THSD7B: variants seen among roughly 807,000 people sequenced by gnomAD.
The protein encoded by THSD7B is thrombospondin type 1 domain containing 7B.
THSD7B carries 138 observed loss-of-function variants against 213.6 expected under a neutral mutation model. The ratio of observed to expected loss-of-function variants is 0.65; its 90% CI spans 0.56 to 0.74. THSD7B has a LOEUF of 0.74. Ranked by LOEUF, THSD7B falls within the 30% of genes least tolerant of loss-of-function variation. The probability of loss-of-function intolerance (pLI) is 0.00; values close to 1 mark genes in which losing one functional copy is unlikely to be tolerated. For missense variants in THSD7B, 1,931 were observed against 1,991.5 expected, an observed-to-expected ratio of 0.97 and a Z score of 0.58; for synonymous variants, 742 against 687.0, an observed-to-expected ratio of 1.08 and a Z score of -1.25.
chr2:137,325,173 G>GTTTTTGTTTTTT (rs2104884842), intron 12 of THSD7B, among the ~76,000 whole-genome samples: 1 of 151,946 alleles, frequency 6.6e-6, no homozygotes, highest in African/African-American at 2.4e-5. Context: ...TTGTTTTTTT[G>GTTTTTGTTTTTT]TTTTTGTTTT....
intron 10 of THSD7B, among the ~76,000 whole-genome samples, chr2:137,270,271 C>A (rs1399768210): frequency 6.6e-6 from 1 of 151,940 alleles, no homozygotes; most frequent in East Asian, 1.9e-4. Context: ...TCACAAAGCC[C>A]AAACAGAAGC....
In THSD7B at chr2:137,642,612, C is replaced by G; in HGVS notation, c.3924C>G (p.Asn1308Lys). The G allele has an allele frequency of 6.2e-7, 1 of 1,613,790 alleles. No individual in the cohort carries two copies. Among genetic ancestry groups the G allele is most frequent in the Non-Finnish European group, 8.5e-7 (1 of 1,179,832 alleles). The change falls in exon 21 of 28, where the codon AAC (asparagine) becomes AAG (lysine). Residue 1308 changes from asparagine (N) to lysine (K), a missense_variant. Transcript: ENST00000409968. The part of the protein sequence containing the change: ...VTPCYSWVLG[N>K]WSACKLEGGD... ...CCTGCTACAGCTGGGTCCTTGGCAA[C>G]TGGTCTGCATGTAAATTGGAGGTAG... is the stretch of plus-strand genomic sequence containing the variant.
intron 12 of THSD7B, among the ~76,000 whole-genome samples, chr2:137,375,523 A>G (rs771578927): frequency 9.9e-5 from 15 of 152,208 alleles, no homozygotes; most frequent in Non-Finnish European, 1.6e-4. Context: ...TACATATTAT[A>G]TGAAATGAGC....
At chr2:137,163,579 G>A (rs1452141996) in intron 6 of THSD7B, among the ~76,000 whole-genome samples, 2 of 152,182 alleles carry the variant, frequency 1.3e-5, no homozygotes, top group African/African-American at 2.4e-5. Flanking sequence ...TAGGAGAGAG[G>A]CATGGCACAG....
At chr2:137,618,839 G>T (rs541035431) in intron 19 of THSD7B, among the ~76,000 whole-genome samples, 11 of 152,260 alleles carry the variant, frequency 7.2e-5, no homozygotes, top group African/African-American at 2.6e-4. Flanking sequence ...TTTTGTATTG[G>T]ACAGGTGATT....
chr2:137,638,973 A>G (rs1036943372), intron 20 of THSD7B, among the ~76,000 whole-genome samples: 8 of 152,086 alleles, frequency 5.3e-5, no homozygotes, highest in Non-Finnish European at 1.0e-4. Context: ...AGTTCAGAAA[A>G]ATTTGCAGCC....
At chr2:137,079,097 T>A (rs1157225559) in intron 3 of THSD7B, among the ~76,000 whole-genome samples, 1 of 152,172 alleles carries the variant, frequency 6.6e-6, no homozygotes. Flanking sequence ...GATAGGAAGA[T>A]GACTTGAGCT....
At position 137,271,651 on chromosome 2, in the gene THSD7B, A is replaced by G. The variant is rs372709366; in HGVS notation, c.2267-882A>G. 6.6e-5 allele frequency among the ~76,000 whole-genome samples: 10 copies of G among 151,724 alleles called. No individual in the cohort carries two copies. The East Asian group carries it at 7.7e-4, about 12-fold the overall frequency. Reference sequence around the variant, plus strand: ...ACCTAGCACCGTGTCACTCTCTGACACTGCTCACACTGCAATGTCTTCTAA... The same window carrying G: ...ACCTAGCACCGTGTCACTCTCTGACGCTGCTCACACTGCAATGTCTTCTAA... On this transcript the variant is annotated intron_variant, in intron 10 of 27. Coordinates refer to ENST00000409968, the MANE Select transcript of THSD7B (RefSeq NM_001316349.2).
intron 17 of THSD7B, among the ~76,000 whole-genome samples, chr2:137,604,549 T>C (rs1682136366): frequency 6.6e-6 from 1 of 152,162 alleles, no homozygotes; most frequent in South Asian, 2.1e-4. Context: ...AAGTCCTCTT[T>C]TGCATCATTT....
intron 1 of THSD7B, among the ~76,000 whole-genome samples, chr2:136,865,666 A>G (rs1375446283): frequency 5.3e-5 from 8 of 152,220 alleles, no homozygotes; most frequent in Non-Finnish European, 1.0e-4. Context: ...GTCTAGAAAG[A>G]GAAAGGTTTA....
intron 1 of THSD7B, among the ~76,000 whole-genome samples, chr2:136,830,444 A>G (rs942965683): frequency 6.6e-6 from 1 of 152,048 alleles, no homozygotes; most frequent in African/African-American, 2.4e-5. Context: ...TTTCATTTTT[A>G]TTGCCTCTTG....
intron 7 of THSD7B, among the ~76,000 whole-genome samples, chr2:137,172,297 C>T (rs1047956265): frequency 6.6e-6 from 1 of 152,128 alleles, no homozygotes; most frequent in East Asian, 1.9e-4. Flanking sequence ...TGAAGTAATG[C>T]TTGGTGAGCT....
intron 2 of THSD7B, among the ~76,000 whole-genome samples, chr2:137,025,114 TTAAAG>T (rs1185549539): frequency 3.9e-5 from 6 of 152,116 alleles, no homozygotes; most frequent in African/African-American, 1.2e-4. Context: ...CCCGTTAGAG[TTAAAG>T]TCTACCCAGT....
chr2:136,839,418 C>A (rs1411565971), intron 1 of THSD7B, among the ~76,000 whole-genome samples: 1 of 152,164 alleles, frequency 6.6e-6, no homozygotes, highest in African/African-American at 2.4e-5. Flanking sequence ...GATCAGAGTT[C>A]AACATGGTTA....
chr2:137,173,501 G>T (rs1680303726), intron 7 of THSD7B, among the ~76,000 whole-genome samples: 1 of 152,172 alleles, frequency 6.6e-6, no homozygotes, highest in Non-Finnish European at 1.5e-5. Context: ...CAGTTTTAGA[G>T]CTTTCTTGCT....
chr2:136,768,947 A>G (rs945317893), intron 1 of THSD7B, among the ~76,000 whole-genome samples: 8 of 152,196 alleles, frequency 5.3e-5, no homozygotes, highest in African/African-American at 1.9e-4. Flanking sequence ...CTGTGAAAGT[A>G]GAGGGATTTT....
At chr2:136,847,614 A>AGTTGTATGACT (rs1274258801) in intron 1 of THSD7B, among the ~76,000 whole-genome samples, 2 of 152,072 alleles carry the variant, frequency 1.3e-5, no homozygotes, top group Non-Finnish European at 2.9e-5. Context: ...CTTGGATAAG[A>AGTTGTATGACT]GTTGTATGAC....
intron 2 of THSD7B, among the ~76,000 whole-genome samples, chr2:136,911,330 A>G (rs1257465364): frequency 6.6e-6 from 1 of 152,174 alleles, no homozygotes; most frequent in East Asian, 1.9e-4. Context: ...TTCTTTGATC[A>G]TCTGTGTGTT....
intron 12 of THSD7B, among the ~76,000 whole-genome samples, chr2:137,366,183 T>C (rs542135018): frequency 1.3e-5 from 2 of 152,158 alleles, no homozygotes; most frequent in South Asian, 2.1e-4. Context: ...TAGGTGGGAA[T>C]TGAACAATGA....
Sources: gnomAD v4.1 joint callset for allele counts (sites outside exome capture counted in the v4.1 genomes callset) on GRCh38, gnomAD v4.1.1 for gene constraint, MANE v1.5 for transcripts, NCBI Gene and HGNC (gene_info 2026-07-23, HGNC 2026-07-21) for gene names.